The following DRC10 variants were observed in gnomAD, a reference collection of about 807,000 sequenced individuals.
DRC10 encodes the protein IQ domain-containing protein D.
At chr12:113,206,812 C>G in the DRC10 span, among the ~76,000 whole-genome samples, 1 of 151,794 alleles carries the variant, frequency 6.6e-6, no homozygotes, top group Non-Finnish European at 1.5e-5. Flanking sequence ...GTAACCCCAG[C>G]ACTTTGGGAG....
the DRC10 span, among the ~76,000 whole-genome samples, chr12:113,216,652 C>T: frequency 6.6e-6 from 1 of 152,176 alleles, no homozygotes; most frequent in Non-Finnish European, 1.5e-5. Flanking sequence ...TATGTAGGAA[C>T]TCTCTCTACC....
the DRC10 span, among the ~76,000 whole-genome samples, chr12:113,220,005 A>G: frequency 1.3e-5 from 2 of 152,078 alleles, no homozygotes; most frequent in African/African-American, 2.4e-5. Context: ...ACAGGGTTTC[A>G]CCATGTTGGC....
At chr12:113,200,675 T>C in the DRC10 span, 3 of 1,536,186 alleles carry the variant, frequency 2.0e-6, no homozygotes, top group Non-Finnish European at 2.6e-6. Flanking sequence ...TTGGCCACCC[T>C]GGCCTGTGAT....
chr12:113,205,691 C>T, the DRC10 span, among the ~76,000 whole-genome samples: 80 of 134,160 alleles, frequency 6.0e-4, no homozygotes, highest in East Asian at 4.0e-3. Flanking sequence ...AGATCGAGAC[C>T]ATCCTGGCTA....
At chr12:113,199,669 T>G in the DRC10 span, among the ~76,000 whole-genome samples, 2 of 151,942 alleles carry the variant, frequency 1.3e-5, no homozygotes, top group Non-Finnish European at 2.9e-5. Flanking sequence ...GGGTGTGTGC[T>G]AGGCCTGGGT....
the DRC10 span, among the ~76,000 whole-genome samples, chr12:113,208,807 A>C: frequency 6.6e-6 from 1 of 152,220 alleles, no homozygotes; most frequent in Non-Finnish European, 1.5e-5. Context: ...ACTGACAAGC[A>C]GCCTGGGCGA....
chr12:113,208,467 C>A, the DRC10 span: 1 of 627,578 alleles, frequency 1.6e-6, no homozygotes, highest in Non-Finnish European at 2.2e-6. Flanking sequence ...GCATCTCAGG[C>A]ACATGTGTCA....
chr12:113,220,047 A>T, the DRC10 span, among the ~76,000 whole-genome samples: 1 of 152,100 alleles, frequency 6.6e-6, no homozygotes, highest in African/African-American at 2.4e-5. Context: ...GCCTCAGGTG[A>T]TCTGCTGGCC....
the DRC10 span, among the ~76,000 whole-genome samples, chr12:113,218,716 G>A: frequency 6.6e-6 from 1 of 152,192 alleles, no homozygotes. Flanking sequence ...CCAAATTGCT[G>A]GGATTACAGG....
At chr12:113,217,742 G>A in the DRC10 span, among the ~76,000 whole-genome samples, 1 of 152,214 alleles carries the variant, frequency 6.6e-6, no homozygotes, top group Non-Finnish European at 1.5e-5. Flanking sequence ...ATGTTGCCCA[G>A]GCTGGTCTTG....
chr12:113,212,069 CTT>C, the DRC10 span, among the ~76,000 whole-genome samples: 28 of 130,838 alleles, frequency 2.1e-4, no homozygotes, highest in African/African-American at 1.9e-4. Context: ...TATCTCTCCT[CTT>C]TTTTTTTTTT....
At chr12:113,208,306 T>C in the DRC10 span, 14 of 1,435,438 alleles carry the variant, frequency 9.8e-6, no homozygotes, top group Admixed American at 2.9e-5. Flanking sequence ...CTGACATCTG[T>C]GTGGTTAGTG....
chr12:113,213,622 C>T, the DRC10 span, among the ~76,000 whole-genome samples: 71 of 152,292 alleles, frequency 4.7e-4, no homozygotes, highest in East Asian at 8.7e-3. Context: ...AGTGACAGGG[C>T]CTGCACCCCA....
the DRC10 span, among the ~76,000 whole-genome samples, chr12:113,211,206 C>T: frequency 3.3e-5 from 5 of 152,114 alleles, no homozygotes; most frequent in African/African-American, 7.2e-5. Flanking sequence ...CTCATGCTCC[C>T]GAGTAGCTGA....
the DRC10 span, among the ~76,000 whole-genome samples, chr12:113,217,339 C>A: frequency 6.6e-6 from 1 of 150,680 alleles, no homozygotes; most frequent in African/African-American, 2.4e-5. Context: ...TTTTTTTTTA[C>A]AGCTCTATTG....
At chr12:113,195,830 G>C in the DRC10 span, 1 of 1,613,630 alleles carries the variant, frequency 6.2e-7, no homozygotes, top group Non-Finnish European at 8.5e-7. Context: ...GCCTCCGCCT[G>C]AGCTCCTCCA....
chr12:113,207,460 C>G, the DRC10 span: 1 of 1,613,062 alleles, frequency 6.2e-7, no homozygotes. Context: ...GTTCTTCATT[C>G]TCTCCGCCAA....
At chr12:113,217,046 A>T in the DRC10 span, among the ~76,000 whole-genome samples, 1 of 152,142 alleles carries the variant, frequency 6.6e-6, no homozygotes, top group Non-Finnish European at 1.5e-5. Context: ...CTGAGATTGC[A>T]CCACTGCACT....
the DRC10 span, among the ~76,000 whole-genome samples, chr12:113,201,604 G>A: frequency 6.6e-6 from 1 of 152,210 alleles, no homozygotes; most frequent in Non-Finnish European, 1.5e-5. Flanking sequence ...GCCCATGTCT[G>A]GCTTGTCCCC....
Sources: gnomAD v4.1 joint callset for allele counts (sites outside exome capture counted in the v4.1 genomes callset) on GRCh38, gnomAD v4.1.1 for gene constraint, MANE v1.5 for transcripts, NCBI Gene and HGNC (gene_info 2026-07-23, HGNC 2026-07-21) for gene names.